NOP58: variants seen among roughly 807,000 people sequenced by gnomAD.
The protein encoded by NOP58 is NOP58 ribonucleoprotein, also known as nucleolar protein 58.
Under a neutral mutation model 71.2 loss-of-function variants are expected in NOP58, and 44 were observed. The observed-to-expected ratio is 0.62, with a 90% confidence interval of 0.49 to 0.79. The LOEUF is 0.79. NOP58 is among the 30% of genes least tolerant of loss of function. The pLI is 0.00. For synonymous variants in NOP58, 228 were observed against 200.3 expected, an observed-to-expected ratio of 1.14 and a Z score of -1.17; for missense variants, 538 against 620.2, an observed-to-expected ratio of 0.87 and a Z score of 1.41.
intron 6 of NOP58, 116 bp from the exon 7 acceptor site, chr2:202,290,207 T>C: frequency 2.7e-6 from 2 of 738,786 alleles, no homozygotes; most frequent in Non-Finnish European, 2.1e-6. Context: ...GCCTGTCTGC[T>C]GGGATTACAG....
intron 4 of NOP58, among the ~76,000 whole-genome samples, chr2:202,282,802 A>AT (rs1278533042): frequency 3.3e-5 from 5 of 152,210 alleles, no homozygotes; most frequent in East Asian, 3.9e-4. Context: ...GGGTCCTTAT[A>AT]TTTTTTAGAA....
At chr2:202,268,521 G>A (rs1179227620) in intron 1 of NOP58, among the ~76,000 whole-genome samples, 1 of 150,706 alleles carries the variant, frequency 6.6e-6, no homozygotes, top group Admixed American at 6.6e-5. Context: ...GGCAATAAGA[G>A]CACAACTCCG....
chr2:202,277,941 T>A lies in NOP58; in HGVS notation c.123-9T>A, dbSNP rs1688633703. ...ATAACATGTTTATCTCTTTTTTTTT[T>A]AATTCTAGAGTAAAGCTAAAACATT... On this transcript the variant is annotated splice_polypyrimidine_tract_variant and intron_variant, in intron 2 of 14. Coordinates refer to ENST00000264279, the MANE Select transcript of NOP58 (RefSeq NM_015934.5). 7 of 1,410,216 alleles carry A rather than the reference T, an allele frequency of 5.0e-6. No individual in the cohort carries two copies. Among genetic ancestry groups the A allele is most frequent in the African/African-American group, 1.4e-5 (1 of 69,006 alleles). 87.4% of individuals were successfully genotyped at this position (1,410,216 alleles called of 1,614,324 possible). A position where few individuals can be genotyped will look rare whatever the true frequency, so the allele number is the denominator to read the frequency against.
intron 1 of NOP58, among the ~76,000 whole-genome samples, chr2:202,270,780 A>G (rs1688500687): frequency 6.6e-6 from 1 of 152,114 alleles, no homozygotes; most frequent in African/African-American, 2.4e-5. Context: ...CAAAGTCTCA[A>G]GCAATCAATT....
intron 10 of NOP58, among the ~76,000 whole-genome samples, 192 bp downstream of exon 10, chr2:202,296,029 T>A (rs1688981119): frequency 6.6e-6 from 1 of 152,126 alleles, no homozygotes. Context: ...CTGTTATTGG[T>A]TGGATTAAAG....
intron 3 of NOP58, among the ~76,000 whole-genome samples, chr2:202,281,692 C>G (rs1260096481): frequency 3.9e-5 from 6 of 152,194 alleles, no homozygotes; most frequent in Non-Finnish European, 7.3e-5. Flanking sequence ...CCCAAGCATA[C>G]TTTTACCTCA....
intron 10 of NOP58, among the ~76,000 whole-genome samples, chr2:202,296,481 G>T (rs972581400): frequency 5.3e-5 from 8 of 152,180 alleles, no homozygotes; most frequent in African/African-American, 1.9e-4. Context: ...GATTACAGGT[G>T]TGAGCACCTG....
At chr2:202,293,000 T>C in intron 9 of NOP58, 97 bp downstream of exon 9, 1 of 1,311,138 alleles carries the variant, frequency 7.6e-7, no homozygotes, top group South Asian at 1.2e-5. Flanking sequence ...TAAAGAAATT[T>C]TAGCTGATAA....
intron 6 of NOP58, among the ~76,000 whole-genome samples, chr2:202,289,356 T>C (rs778070739): frequency 1.3e-5 from 2 of 152,332 alleles, no homozygotes; most frequent in African/African-American, 2.4e-5. Context: ...TCTAAAACTT[T>C]TTGTGGTACC....
intron 12 of NOP58, among the ~76,000 whole-genome samples, chr2:202,298,220 AT>A (rs1014102355): frequency 2.2e-4 from 34 of 152,252 alleles, no homozygotes; most frequent in Admixed American, 2.0e-3. Flanking sequence ...TGCACCCCTA[AT>A]TTTTTTCCAT....
chr2:202,284,273 A>G, intron 4 of NOP58, 72 bp from the exon 5 acceptor site: 3 of 1,334,200 alleles, frequency 2.2e-6, no homozygotes, highest in Non-Finnish European at 3.1e-6. Flanking sequence ...ACTGTGTCTC[A>G]AAAAATAATA....
At chr2:202,282,612 A>T (rs926438800) in intron 4 of NOP58, 140 bp downstream of exon 4, 8 of 758,514 alleles carry the variant, frequency 1.1e-5, no homozygotes, top group Admixed American at 3.3e-5. Context: ...ATGATAATGG[A>T]TTTCCCCTAA....
chr2:202,276,059 C>T (rs962365715), intron 2 of NOP58, among the ~76,000 whole-genome samples: 6 of 152,032 alleles, frequency 3.9e-5, no homozygotes, highest in Non-Finnish European at 8.8e-5. Flanking sequence ...GACACTGTTG[C>T]CTGGTGTGGT....
At chr2:202,283,524 T>C (rs1688740837) in intron 4 of NOP58, among the ~76,000 whole-genome samples, 1 of 151,216 alleles carries the variant, frequency 6.6e-6, no homozygotes, top group Admixed American at 6.6e-5. Context: ...CACTGCAACC[T>C]CCGCCTCCTG....
chr2:202,277,546 T>G (rs1227287869), intron 2 of NOP58, among the ~76,000 whole-genome samples: 21 of 152,228 alleles, frequency 1.4e-4, no homozygotes, highest in African/African-American at 5.1e-4. Flanking sequence ...AGCTATTTTT[T>G]TTAATGGCAT....
At position 202,291,232 on chromosome 2, in the gene NOP58, G is replaced by A; in HGVS notation, c.742G>A (p.Glu248Lys). 1 of 1,609,984 alleles carries A rather than the reference G, an allele frequency of 6.2e-7. No individual in the cohort carries two copies. Among genetic ancestry groups the A allele is most frequent in the Non-Finnish European group, 8.5e-7 (1 of 1,179,078 alleles). The change falls in exon 8 of 15, where the codon GAA becomes AAA. Residue 248 changes from glutamate to lysine, a missense_variant. Transcript: ENST00000264279. ...GATATCAATGGGAACAGAGGTTTCA[G>A]AAGAAGATATTTGCAATATTCTGCA... ...AEISMGTEVS[E>K]EDICNILHLC... is the part of the protein sequence containing the mutation.
intron 13 of NOP58, among the ~76,000 whole-genome samples, chr2:202,301,413 G>T (rs1309915741): frequency 6.6e-6 from 1 of 152,042 alleles, no homozygotes; most frequent in Admixed American, 6.6e-5. Flanking sequence ...TCAAACTCCT[G>T]ACCTTGTGAT....
intron 3 of NOP58, among the ~76,000 whole-genome samples, chr2:202,278,744 A>T (rs1574379378): frequency 1.3e-5 from 2 of 152,328 alleles, no homozygotes; most frequent in East Asian, 3.9e-4. Context: ...TAGTTTGAAA[A>T]TGAAGGACCG....
At chr2:202,299,354 TTTAG>T (rs1304790300) in intron 12 of NOP58, among the ~76,000 whole-genome samples, 4 of 152,156 alleles carry the variant, frequency 2.6e-5, no homozygotes, top group African/African-American at 7.2e-5. Context: ...TTAAGTATAA[TTTAG>T]TGTTTTCTGG....
Sources: allele counts gnomAD v4.1 joint callset (sites outside exome capture counted in the v4.1 genomes callset), GRCh38; gene constraint gnomAD v4.1.1; transcripts MANE v1.5; gene names NCBI Gene and HGNC (gene_info 2026-07-23, HGNC 2026-07-21).